Variants in SDSL observed in about 807,000 individuals in gnomAD.
The protein encoded by SDSL is serine dehydratase-like.
Under a neutral mutation model 27.6 loss-of-function variants are expected in SDSL, and 26 were observed. The ratio of observed to expected loss-of-function variants is 0.94; its 90% CI spans 0.69 to 1.31. The LOEUF is 1.31. Ranked by LOEUF, SDSL falls within the 50% of genes most tolerant of loss-of-function variation. SDSL has a pLI of 0.00. For missense variants in SDSL, 431 were observed against 423.5 expected (o/e 1.02, Z -0.16); for synonymous variants, 196 against 180.6 (o/e 1.09, Z -0.69).
chr12:113,432,274 T>TCTCTC (rs1565879210), intron 4 of SDSL, among the ~76,000 whole-genome samples: 8 of 89,360 alleles, frequency 9.0e-5, no homozygotes, highest in African/African-American at 2.9e-4. Context: ...CTTTCTTTCT[T>TCTCTC]TCTTTCTTTC....
intron 1 of SDSL, chr12:113,426,011 C>A: frequency 2.6e-6 from 1 of 382,660 alleles, no homozygotes; most frequent in South Asian, 1.9e-5. Flanking sequence ...ACCACCAACA[C>A]CACCACCACC....
At chr12:113,426,135 A>G in intron 1 of SDSL, 1 of 452,934 alleles carries the variant, frequency 2.2e-6, no homozygotes, top group Non-Finnish European at 4.4e-6. Context: ...CTCCGCCCTC[A>G]CCCCCTACCC....
At chr12:113,428,679 A>G (rs902286761) in intron 3 of SDSL, among the ~76,000 whole-genome samples, 3 of 152,202 alleles carry the variant, frequency 2.0e-5, no homozygotes, top group African/African-American at 7.2e-5. Flanking sequence ...GGTTTAAGCT[A>G]CAGGCTCTAA....
At chr12:113,436,272 T>C (rs1957991662) in intron 6 of SDSL, among the ~76,000 whole-genome samples, 1 of 152,062 alleles carries the variant, frequency 6.6e-6, no homozygotes, top group Admixed American at 6.6e-5. Flanking sequence ...GATCACATTT[T>C]GAGGTTCTTG....
rs1957878158 is a variant in SDSL at position 113,428,465 on chromosome 12, C to T, written c.214+6C>T. 1 of 1,610,758 alleles carries T rather than the reference C, an allele frequency of 6.2e-7. No homozygotes were observed. The highest frequency in any genetic ancestry group is 8.5e-7 in the Non-Finnish European group (1 of 1,179,082). On this transcript the variant is annotated splice_donor_region_variant and intron_variant, in intron 3 of 7. Transcript: ENST00000403593. ...ACACCTGGTGTGCTCCTCAGGTGACCCCACCTTTTTTTGTTTCATGGGCAG... is the reference window on the plus strand; with the variant it reads ...ACACCTGGTGTGCTCCTCAGGTGACTCCACCTTTTTTTGTTTCATGGGCAG...
Position 113,435,409 on chromosome 12 carries a change from G to C in SDSL, c.524G>C (p.Gly175Ala). 6.2e-7 allele frequency: 1 copy of C among 1,612,472 alleles called. No individual in the cohort carries two copies. ...GGTGCCCTGGTGCTGGCAGTTGGGG[G>C]TGGGGGTCTCCTGGCCGGGGTGGTG... ...PPGALVLAVG[G>A]GGLLAGVVAG... Residue 175 changes from glycine to alanine, a missense_variant, in exon 6 of 8, where the codon GGT becomes GCT. Gly to Ala is a moderately conservative substitution (Grantham distance 60). Coordinates refer to ENST00000403593, the MANE Select transcript of SDSL (RefSeq NM_001304993.2).
intron 5 of SDSL, among the ~76,000 whole-genome samples, chr12:113,434,855 C>A (rs1402933712): frequency 6.6e-6 from 1 of 152,232 alleles, no homozygotes; most frequent in African/African-American, 2.4e-5. Context: ...TGGCTCACGC[C>A]TGTAATCCCA....
intron 4 of SDSL, among the ~76,000 whole-genome samples, chr12:113,431,909 CTATT>C (rs1302233902): frequency 6.8e-6 from 1 of 146,962 alleles, no homozygotes; most frequent in Non-Finnish European, 1.5e-5. Flanking sequence ...CCACGCCTGG[CTATT>C]TTTTTTTTTT....
rs766217506 is a variant in SDSL, at chr12:113,438,094, G to A, written c.*15G>A. The A allele has an allele frequency of 6.6e-5, 106 of 1,606,394 alleles. 1 individual carries two copies. The highest frequency in any genetic ancestry group is 8.6e-5 in the Non-Finnish European group (101 of 1,175,986). On this transcript the variant is annotated 3_prime_UTR_variant, in exon 8 of 8. Transcript: ENST00000403593. The stretch of plus-strand genomic sequence containing the variant: ...GCCAGGTCTGAGGGGTCCCATCCTG[G>A]CCCCAAAGACCCCTGAGAGGCCCAT...
At chr12:113,428,374 G>T in intron 2 of SDSL, 46 bp from the exon 3 acceptor site, 3 of 1,589,158 alleles carry the variant, frequency 1.9e-6, no homozygotes, top group Non-Finnish European at 2.6e-6. Flanking sequence ...AGGCCTTCAT[G>T]ACACCTGCTT....
chr12:113,432,890 C>A (rs530340515), intron 4 of SDSL, among the ~76,000 whole-genome samples: 1 of 152,304 alleles, frequency 6.6e-6, no homozygotes, highest in South Asian at 2.1e-4. Flanking sequence ...GATGTATATG[C>A]ACCACATTTT....
chr12:113,423,682 C>T lies in SDSL; in HGVS notation c.-22+1205C>T, dbSNP rs1331836072. The stretch of plus-strand genomic sequence containing the variant: ...GCTTGAGCCCGGGACTTCAAGGTTA[C>T]AGTGAGCCATGATCGTGCCACTGCA... On this transcript the variant is annotated intron_variant, in intron 1 of 7. Coordinates refer to ENST00000403593, the MANE Select transcript of SDSL (RefSeq NM_001304993.2). Among the ~76,000 whole-genome samples, 3 of 152,158 alleles carry T rather than the reference C, an allele frequency of 2.0e-5. No individual in the cohort carries two copies. In the East Asian group the frequency reaches 5.8e-4, roughly 29 times the overall value.
chr12:113,436,367 C>A (rs1011836703), intron 6 of SDSL, among the ~76,000 whole-genome samples: 1 of 151,926 alleles, frequency 6.6e-6, no homozygotes, highest in African/African-American at 2.4e-5. Flanking sequence ...CAGCTCACTG[C>A]AACCTCTACC....
Position 113,428,042 on chromosome 12 carries a change from G to A in SDSL, c.60G>A (p.Leu20=), listed in dbSNP as rs775725261. The change falls in exon 2 of 8, where the codon CTG becomes CTA. Residue 20 remains leucine, a synonymous_variant. Transcript: ENST00000403593. ...KQEPFHVVTP[L]LESWALSQVA... ...AGCCCTTTCACGTGGTCACACCTCT[G>A]TTGGAGAGCTGGGCGCTGTCCCAGG... 6.2e-6 allele frequency: 10 copies of A among 1,613,878 alleles called. No homozygotes were observed. In the African/African-American group the frequency reaches 1.2e-4, roughly 19 times the overall value.
chr12:113,436,903 C>A (rs969569148), intron 7 of SDSL, 28 bp downstream of exon 7: 1 of 1,533,328 alleles, frequency 6.5e-7, no homozygotes, highest in Non-Finnish European at 8.7e-7. Context: ...TCCACCTGGG[C>A]TCAGAGACCC....
At chr12:113,431,704 G>A (rs1284748356) in intron 4 of SDSL, among the ~76,000 whole-genome samples, 2 of 150,158 alleles carry the variant, frequency 1.3e-5, no homozygotes, top group Admixed American at 6.6e-5. Flanking sequence ...CTCCCAAGTA[G>A]CTGGGATTAC....
At chr12:113,423,306 G>A (rs1208037413) in intron 1 of SDSL, among the ~76,000 whole-genome samples, 5 of 152,156 alleles carry the variant, frequency 3.3e-5, no homozygotes, top group Admixed American at 6.5e-5. Context: ...ATAGCATCGC[G>A]GTTAATAGCA....
intron 7 of SDSL, 136 bp downstream of exon 7, chr12:113,437,011 C>T (rs1958005231): frequency 7.1e-6 from 6 of 839,186 alleles, no homozygotes; most frequent in Non-Finnish European, 1.0e-5. Context: ...GCACTAAGTG[C>T]ACGTCGAGTA....
At chr12:113,429,037 A>C in intron 3 of SDSL, 123 bp from the exon 4 acceptor site, 3 of 1,138,634 alleles carry the variant, frequency 2.6e-6, no homozygotes, top group Non-Finnish European at 1.2e-6. Context: ...GAGTGGAGGA[A>C]GGAGTCAATG....
Sources: gnomAD v4.1 joint callset for allele counts (sites outside exome capture counted in the v4.1 genomes callset) on GRCh38, gnomAD v4.1.1 for gene constraint, MANE v1.5 for transcripts, NCBI Gene and HGNC (gene_info 2026-07-23, HGNC 2026-07-21) for gene names.